The following CELF2 variants were observed in gnomAD, a reference collection of about 807,000 sequenced individuals.
CELF2 encodes the protein CUG triplet repeat RNA-binding protein 2.
A neutral mutation model predicts 62.6 loss-of-function variants in CELF2; 8 were observed. The ratio of observed to expected loss-of-function variants is 0.13; its 90% confidence interval spans 0.07 to 0.23. The LOEUF (loss-of-function observed/expected upper bound fraction) is 0.23, where lower values mean the gene tolerates loss of function less well. Among genes scored for constraint, CELF2 ranks in the 10% least tolerant of loss-of-function variants. The probability of loss-of-function intolerance (pLI) is 1.00; values close to 1 mark genes in which losing one functional copy is unlikely to be tolerated. For synonymous variants in CELF2, 258 were observed against 250.0 expected, an observed-to-expected ratio of 1.03 and a Z score of -0.30; for missense variants, 333 against 671.0, an observed-to-expected ratio of 0.50 and a Z score of 5.56.
At chr10:10,692,283 T>G in the CELF2 span, among the ~76,000 whole-genome samples, 46 of 151,272 alleles carry the variant, frequency 3.0e-4, no homozygotes, top group African/African-American at 7.0e-4. Flanking sequence ...CCCCATTGCT[T>G]GTTTTTCTCA....
At chr10:10,839,575 T>C (rs2058542944) in intron 1 of CELF2, among the ~76,000 whole-genome samples, 1 of 152,240 alleles carries the variant, frequency 6.6e-6, no homozygotes, top group South Asian at 2.1e-4. Context: ...GCCTTACATA[T>C]TTCACTCGTT....
intron 5 of CELF2, among the ~76,000 whole-genome samples, chr10:11,265,406 C>T (rs1461075200): frequency 6.6e-6 from 1 of 152,204 alleles, no homozygotes; most frequent in Non-Finnish European, 1.5e-5. Context: ...CTAAATTATT[C>T]TCTGATACCT....
intron 1 of CELF2, among the ~76,000 whole-genome samples, chr10:11,111,248 G>C (rs1475011405): frequency 1.3e-5 from 2 of 152,138 alleles, no homozygotes; most frequent in African/African-American, 4.8e-5. Flanking sequence ...AAACTTCTGT[G>C]ATTAAAATAG....
chr10:11,121,715 T>C (rs1162919864), intron 1 of CELF2, among the ~76,000 whole-genome samples: 1 of 152,188 alleles, frequency 6.6e-6, no homozygotes, highest in Non-Finnish European at 1.5e-5. Context: ...TTTTTTTTAC[T>C]GTCTTTGACT....
chr10:11,308,717 A>G (rs2140387408), intron 9 of CELF2, among the ~76,000 whole-genome samples: 1 of 152,328 alleles, frequency 6.6e-6, no homozygotes, highest in Middle Eastern at 3.4e-3. Context: ...ACTTACCCTC[A>G]TTTAAAATTG....
At chr10:10,492,023 C>T in the CELF2 span, among the ~76,000 whole-genome samples, 1 of 152,078 alleles carries the variant, frequency 6.6e-6, no homozygotes, top group South Asian at 2.1e-4. Context: ...ACTTCTTGTG[C>T]TATTCCATTC....
At chr10:10,709,609 A>G in the CELF2 span, among the ~76,000 whole-genome samples, 1 of 152,178 alleles carries the variant, frequency 6.6e-6, no homozygotes, top group African/African-American at 2.4e-5. Context: ...GAATTTTTCA[A>G]ATAACATTGA....
chr10:11,129,665 A>G (rs1041718522), intron 1 of CELF2, among the ~76,000 whole-genome samples: 8 of 152,176 alleles, frequency 5.3e-5, no homozygotes, highest in Non-Finnish European at 5.9e-5. Flanking sequence ...TTGTTTGTGT[A>G]GAGGTGTTTA....
chr10:10,484,506 G>A, the CELF2 span, among the ~76,000 whole-genome samples: 120 of 150,048 alleles, frequency 8.0e-4, no homozygotes, highest in East Asian at 0.018. Flanking sequence ...TAGTAGAGAC[G>A]GAGTTTCACC....
the CELF2 span, among the ~76,000 whole-genome samples, chr10:10,665,977 G>A: frequency 6.6e-6 from 1 of 152,228 alleles, no homozygotes; most frequent in African/African-American, 2.4e-5. Flanking sequence ...AAGGCCCGGT[G>A]ATACGAAGAG....
chr10:10,513,447 T>C, the CELF2 span, among the ~76,000 whole-genome samples: 1 of 152,232 alleles, frequency 6.6e-6, no homozygotes, highest in African/African-American at 2.4e-5. Flanking sequence ...ATGAAGGCTA[T>C]GAATCCATGA....
At chr10:11,172,298 A>G (rs1372394125) in intron 2 of CELF2, among the ~76,000 whole-genome samples, 1 of 152,224 alleles carries the variant, frequency 6.6e-6, no homozygotes, top group Admixed American at 6.5e-5. Flanking sequence ...TGGGACAAAC[A>G]TAAAATGCAG....
At chr10:10,559,805 C>T in the CELF2 span, among the ~76,000 whole-genome samples, 19 of 152,260 alleles carry the variant, frequency 1.2e-4, no homozygotes, top group East Asian at 1.7e-3. Context: ...TGCTGTGCAC[C>T]GCCTGCTGCA....
At chr10:10,692,440 T>C in the CELF2 span, among the ~76,000 whole-genome samples, 2 of 148,002 alleles carry the variant, frequency 1.4e-5, no homozygotes, top group Admixed American at 6.7e-5. Flanking sequence ...AGTCAGGTAG[T>C]GTGATGCCTC....
intron 5 of CELF2, among the ~76,000 whole-genome samples, chr10:11,266,158 T>G (rs2082140214): frequency 6.6e-6 from 1 of 152,228 alleles, no homozygotes; most frequent in Non-Finnish European, 1.5e-5. Context: ...TGTGAGGATT[T>G]TCTTATTTGC....
At chr10:10,750,487 G>A in the CELF2 span, among the ~76,000 whole-genome samples, 1 of 152,166 alleles carries the variant, frequency 6.6e-6, no homozygotes, top group Non-Finnish European at 1.5e-5. Flanking sequence ...CATTGACATG[G>A]GTCAGGCACT....
chr10:10,977,403 A>G (rs1325331587), intron 2 of CELF2, among the ~76,000 whole-genome samples: 1 of 152,200 alleles, frequency 6.6e-6, no homozygotes, highest in East Asian at 1.9e-4. Context: ...TACACAGCAG[A>G]CACATTGTTG....
the CELF2 span, among the ~76,000 whole-genome samples, chr10:10,631,688 G>A: frequency 6.6e-6 from 1 of 152,198 alleles, no homozygotes; most frequent in Admixed American, 6.5e-5. Flanking sequence ...CTTTGGAAGA[G>A]CGTCTGCATT....
At chr10:10,922,052 A>C (rs1201331557) in intron 2 of CELF2, among the ~76,000 whole-genome samples, 3 of 152,180 alleles carry the variant, frequency 2.0e-5, no homozygotes, top group African/African-American at 7.2e-5. Context: ...TACCGGAGAT[A>C]AGCACATTTG....
Sources: gnomAD v4.1 joint callset for allele counts (sites outside exome capture counted in the v4.1 genomes callset) on GRCh38, gnomAD v4.1.1 for gene constraint, MANE v1.5 for transcripts, NCBI Gene and HGNC (gene_info 2026-07-23, HGNC 2026-07-21) for gene names.